Variants in UBA1 observed in about 807,000 individuals in gnomAD.
UBA1 encodes ubiquitin like modifier activating enzyme 1, also known as ubiquitin-like modifier-activating enzyme 1.
In UBA1, 4 loss-of-function variants were observed where a neutral mutation model predicts 84.7. The ratio of observed to expected loss-of-function variants is 0.05; its 90% CI spans 0.02 to 0.11. UBA1 has a LOEUF of 0.11. Ranked by LOEUF, UBA1 falls within the 10% of genes least tolerant of loss-of-function variation. The probability of loss-of-function intolerance (pLI) is 1.00; values close to 1 mark genes in which losing one functional copy is unlikely to be tolerated. For missense variants in UBA1, 513 were observed against 902.8 expected (o/e 0.57, Z 5.53); for synonymous variants, 364 against 362.6 (o/e 1.00, Z -0.04).
intron 14 of UBA1, chrX:47,205,254 C>G (rs781926000): frequency 4.0e-6 from 1 of 253,096 alleles, no homozygotes; most frequent in Admixed American, 4.7e-5. Flanking sequence ...AGAGGAGGGA[C>G]GTGGCCCAAT....
rs782070102 is a variant in UBA1 at position 47,214,416 on chromosome X, C to T, written c.2928C>T (p.Leu976=). The T allele has an allele frequency of 5.0e-5, 60 of 1,208,433 alleles. No individual in the cohort carries two copies. The East Asian group carries it at 1.2e-3, about 24-fold the overall frequency. Residue 976 remains leucine, a synonymous_variant, in exon 24 of 26, where the codon CTC becomes CTT. Transcript: ENST00000335972. ...AGGAGATGACCCTCAAACAGTTCCTCGACTATTTTAAGGTAAGGCCCCTCC... is the reference window on the plus strand; with the variant it reads ...AGGAGATGACCCTCAAACAGTTCCTTGACTATTTTAAGGTAAGGCCCCTCC... The part of the protein sequence containing the change: ...NGEEMTLKQF[L]DYFKTEHKLE...
intron 14 of UBA1, among the ~76,000 whole-genome samples, chrX:47,203,915 A>G (rs1369071294): frequency 3.7e-5 from 4 of 107,782 alleles, no homozygotes; most frequent in Non-Finnish European, 7.7e-5. Flanking sequence ...CGCCCGGCTG[A>G]TTTTGCATTT....
At chrX:47,202,095 CA>C in intron 8 of UBA1, 60 bp from the exon 9 acceptor site, 2 of 989,950 alleles carry the variant, frequency 2.0e-6, no homozygotes, top group Non-Finnish European at 2.8e-6. Flanking sequence ...CCTTATCTTG[CA>C]GGGGTTGTGG....
intron 13 of UBA1, 85 bp downstream of exon 13, chrX:47,203,299 C>T (rs1936494311): frequency 9.7e-7 from 1 of 1,033,798 alleles, no homozygotes; most frequent in East Asian, 3.0e-5. Context: ...CTCAATGCAA[C>T]CGGTGGCGCA....
intron 23 of UBA1, among the ~76,000 whole-genome samples, chrX:47,214,078 A>AG (rs1361577223): frequency 1.8e-5 from 2 of 111,011 alleles, no homozygotes; most frequent in Admixed American, 1.9e-4. Flanking sequence ...GTACCAAGAT[A>AG]GGGGTGTGCC....
At chrX:47,208,342 TGC>T (rs1491013041) in intron 16 of UBA1, among the ~76,000 whole-genome samples, 1 of 105,605 alleles carries the variant, frequency 9.5e-6, no homozygotes, top group Non-Finnish European at 1.9e-5. Context: ...TGTGTGTGTG[TGC>T]GCACGCACGC....
intron 20 of UBA1, among the ~76,000 whole-genome samples, chrX:47,212,150 C>G (rs535721833): frequency 6.4e-5 from 7 of 109,388 alleles, no homozygotes; most frequent in Admixed American, 3.9e-4. Flanking sequence ...ATCTTGATCT[C>G]TCCATCTCCA....
chrX:47,205,375 G>A (rs927166488), intron 14 of UBA1: 10 of 332,789 alleles, frequency 3.0e-5, no homozygotes, highest in Middle Eastern at 4.4e-4. Flanking sequence ...GGTGTTAGAC[G>A]AAAGAACAGA....
chrX:47,195,630 A>T (rs1556785279), intron 1 of UBA1, among the ~76,000 whole-genome samples: 1 of 110,787 alleles, frequency 9.0e-6, no homozygotes, highest in Non-Finnish European at 1.9e-5. Flanking sequence ...GTCCTACATA[A>T]TTGGTCAGAG....
chrX:47,207,959 G>A (rs1035049524), intron 16 of UBA1, among the ~76,000 whole-genome samples: 24 of 112,185 alleles, frequency 2.1e-4, no homozygotes, highest in African/African-American at 7.4e-4. Context: ...ACCCCATGAA[G>A]GTAGGTATCA....
chrX:47,199,059 G>T lies in UBA1; in HGVS notation c.129G>T (p.Lys43Asn). 3 of 1,212,391 alleles carry T rather than the reference G, an allele frequency of 2.5e-6. No individual in the cohort carries two copies. The highest frequency in any genetic ancestry group is 3.3e-6 in the Non-Finnish European group (3 of 895,649). ...VPSVPTNGMA[K>N]NGSEADIDEG... The stretch of plus-strand genomic sequence containing the variant: ...TCCTCTATTCCTAGGGAATGGCCAA[G>T]AACGGCAGTGAAGCAGACATAGACG... Residue 43 changes from lysine to asparagine, a missense_variant, in exon 3 of 26, where the codon AAG becomes AAT. Physicochemically the swap from Lys to Asn is moderately conservative, Grantham distance 94 (BLOSUM62 0). Around this residue, in one of 6 missense-constraint regions of UBA1, gnomAD observed 38 missense variants for 43.4 expected, o/e 0.88. Coordinates refer to ENST00000335972, the MANE Select transcript of UBA1 (RefSeq NM_003334.4).
chrX:47,209,953 C>T lies in UBA1; in HGVS notation c.2029C>T (p.Leu677=), dbSNP rs781886862. The part of the protein sequence containing the change: ...LTDPKFVERT[L]RLAGTQPLEV... ...AGACCCCAAGTTTGTGGAGCGAACA[C>T]TGCGGCTGGCAGGCACTCAGCCCTT... The change falls in exon 18 of 26, where the codon CTG becomes TTG. Residue 677 remains leucine (L), a synonymous_variant. Coordinates refer to ENST00000335972, the MANE Select transcript of UBA1 (RefSeq NM_003334.4). The T allele has an allele frequency of 1.6e-6, 2 of 1,212,297 alleles. No individual in the cohort carries two copies. The highest frequency in any genetic ancestry group is 3.5e-5 in the South Asian group (2 of 57,034).
Position 47,199,308 on chromosome X carries a change from C to T in UBA1, c.276C>T (p.Ile92=). The change falls in exon 4 of 26, where the codon ATC becomes ATT. Residue 92 remains isoleucine, a synonymous_variant. Coordinates refer to ENST00000335972, the MANE Select transcript of UBA1 (RefSeq NM_003334.4). ...GLGVEIAKNI[I]LGGVKAVTLH... ...GCGTGGAGATCGCTAAGAACATCAT[C>T]CTTGGTGGGGTCAAGGCTGTTACCC... 8.3e-7 allele frequency: 1 copy of T among 1,212,011 alleles called. No homozygotes were observed. Among genetic ancestry groups the T allele is most frequent in the Non-Finnish European group, 1.1e-6 (1 of 895,460 alleles).
At chrX:47,200,578 T>C (rs1179283108) in intron 5 of UBA1, among the ~76,000 whole-genome samples, 2 of 111,980 alleles carry the variant, frequency 1.8e-5, no homozygotes, top group Non-Finnish European at 3.8e-5. Flanking sequence ...AGACTTTGGC[T>C]GGAGACAGAG....
At chrX:47,199,875 T>G (rs1936340406) in intron 5 of UBA1, among the ~76,000 whole-genome samples, 1 of 109,088 alleles carries the variant, frequency 9.2e-6, no homozygotes, top group South Asian at 4.0e-4. Flanking sequence ...CTACACCTCC[T>G]GGGTTCACGC....
rs376400486 is a variant in UBA1, at chrX:47,202,264, C to T, written c.909+11C>T. 4.1e-6 allele frequency: 5 copies of T among 1,206,380 alleles called. No individual in the cohort carries two copies. Among genetic ancestry groups the T allele is most frequent in the South Asian group, 1.8e-5 (1 of 56,427 alleles). ...AAGAAGATTAGCTTTGTGAGTGTGT[C>T]GATGGGATCAGTGGGCTGTGGGGGG... On this transcript the variant is annotated intron_variant, in intron 9 of 25. Transcript: ENST00000335972.
upstream of UBA1, among the ~76,000 whole-genome samples, chrX:47,193,107 C>T (rs1936091547): frequency 9.0e-6 from 1 of 111,364 alleles, no homozygotes; most frequent in Admixed American, 9.5e-5. Flanking sequence ...AACAGGAAGG[C>T]GTGCTCACTT....
chrX:47,205,092 A>G (rs782381839), intron 14 of UBA1: 3 of 143,195 alleles, frequency 2.1e-5, no homozygotes, highest in South Asian at 1.8e-4. Context: ...TGGTTAAGGA[A>G]GGCCTGAGTT....
intron 5 of UBA1, among the ~76,000 whole-genome samples, chrX:47,200,638 T>G (rs1406746808): frequency 8.9e-6 from 1 of 111,896 alleles, no homozygotes; most frequent in Non-Finnish European, 1.9e-5. Context: ...CAGCGGGTGT[T>G]TGTCAAATAA....
Sources: allele counts gnomAD v4.1 joint callset (sites outside exome capture counted in the v4.1 genomes callset), GRCh38; gene constraint gnomAD v4.1.1; regional missense constraint gnomAD v4.1.1; transcripts MANE v1.5; gene names NCBI Gene and HGNC (gene_info 2026-07-23, HGNC 2026-07-21).